Variants in ZHX2 observed in about 807,000 individuals in gnomAD.
ZHX2 encodes the protein zinc fingers and homeoboxes protein 2.
ZHX2 carries 6 observed loss-of-function variants against 21.9 expected under a neutral mutation model. That is an observed-to-expected ratio of 0.27 (90% CI 0.15 to 0.54). ZHX2 has a LOEUF of 0.54. Ranked by LOEUF, ZHX2 falls within the 20% of genes least tolerant of loss-of-function variation. The pLI, the probability that ZHX2 is intolerant of heterozygous loss-of-function variation, is 0.95. For missense variants in ZHX2, 908 were observed against 1,090.7 expected, an observed-to-expected ratio of 0.83 and a Z score of 2.36; for synonymous variants, 434 against 437.1, an observed-to-expected ratio of 0.99 and a Z score of 0.09.
At chr8:122,892,496 TG>T (rs1476673943) in intron 2 of ZHX2, among the ~76,000 whole-genome samples, 2 of 152,188 alleles carry the variant, frequency 1.3e-5, no homozygotes, top group Non-Finnish European at 2.9e-5. Context: ...GTAATTTTTT[TG>T]TTCCTTTCTT....
At chr8:122,803,738 G>A (rs944063848) in intron 1 of ZHX2, among the ~76,000 whole-genome samples, 2 of 152,088 alleles carry the variant, frequency 1.3e-5, no homozygotes, top group Admixed American at 1.3e-4. Flanking sequence ...GTTTTTTTCT[G>A]TCTTGGTCCC....
At chr8:122,924,531 G>T (rs1337097556) in intron 2 of ZHX2, among the ~76,000 whole-genome samples, 2 of 152,272 alleles carry the variant, frequency 1.3e-5, no homozygotes, top group African/African-American at 2.4e-5. Flanking sequence ...ATTAAAGGTG[G>T]TGAGCAGAGA....
intron 2 of ZHX2, among the ~76,000 whole-genome samples, chr8:122,896,159 AG>A (rs1327126446): frequency 6.6e-6 from 1 of 152,038 alleles, no homozygotes. Flanking sequence ...CAAAGTCCCA[AG>A]TCCCATTGCT....
intron 3 of ZHX2, among the ~76,000 whole-genome samples, chr8:122,971,964 T>G (rs1177570142): frequency 3.3e-5 from 5 of 152,218 alleles, no homozygotes; most frequent in Non-Finnish European, 7.3e-5. Flanking sequence ...GTTGCTTCCT[T>G]CTGAAGGCTG....
At chr8:122,850,812 G>T (rs1262773298) in intron 1 of ZHX2, among the ~76,000 whole-genome samples, 3 of 151,386 alleles carry the variant, frequency 2.0e-5, no homozygotes, top group Admixed American at 1.3e-4. Context: ...GTCAGATTTT[G>T]TTTCTCCTCT....
At chr8:122,965,510 G>A (rs1813558481) in intron 3 of ZHX2, among the ~76,000 whole-genome samples, 1 of 152,120 alleles carries the variant, frequency 6.6e-6, no homozygotes, top group African/African-American at 2.4e-5. Flanking sequence ...TAGTCTGAGA[G>A]AGTACTTGAT....
chr8:122,880,222 C>G (rs1346129424), intron 2 of ZHX2, among the ~76,000 whole-genome samples: 5 of 152,010 alleles, frequency 3.3e-5, no homozygotes, highest in African/African-American at 1.2e-4. Flanking sequence ...GATTCACCCG[C>G]CTCAGCCTCC....
intron 1 of ZHX2, among the ~76,000 whole-genome samples, chr8:122,841,589 C>T (rs1055583039): frequency 1.3e-5 from 2 of 152,176 alleles, no homozygotes; most frequent in African/African-American, 2.4e-5. Context: ...AGCAGAGAGG[C>T]ACAGTGTGAG....
chr8:122,926,497 G>C (rs1485010011), intron 2 of ZHX2, among the ~76,000 whole-genome samples: 2 of 152,230 alleles, frequency 1.3e-5, no homozygotes, highest in African/African-American at 4.8e-5. Context: ...AGCCGCTTCA[G>C]GACGATGGGG....
At chr8:122,877,004 G>C (rs543558220) in intron 2 of ZHX2, among the ~76,000 whole-genome samples, 1 of 152,274 alleles carries the variant, frequency 6.6e-6, no homozygotes, top group East Asian at 1.9e-4. Flanking sequence ...GGGTTTATGT[G>C]CCAGGCACTG....
chr8:122,899,642 T>C (rs961196209), intron 2 of ZHX2, among the ~76,000 whole-genome samples: 3 of 152,200 alleles, frequency 2.0e-5, no homozygotes, highest in South Asian at 4.1e-4. Flanking sequence ...TTGTCTTACC[T>C]GAGTCTAAGG....
chr8:122,850,765 T>C (rs1324579225), intron 1 of ZHX2, among the ~76,000 whole-genome samples: 1 of 151,722 alleles, frequency 6.6e-6, no homozygotes, highest in African/African-American at 2.4e-5. Flanking sequence ...TACCCGTGAC[T>C]GTCTACTCTC....
intron 2 of ZHX2, among the ~76,000 whole-genome samples, chr8:122,907,190 A>G (rs116799811): frequency 3.4e-4 from 52 of 152,182 alleles, no homozygotes; most frequent in Middle Eastern, 3.4e-3. Context: ...ACTTTCCTCA[A>G]CCTTTTGACA....
At chr8:122,951,161 C>T (rs1039924375) in intron 2 of ZHX2, 131 bp from the exon 3 acceptor site, 44 of 206,642 alleles carry the variant, frequency 2.1e-4, no homozygotes, top group African/African-American at 8.3e-4. Flanking sequence ...AGCACTTTCA[C>T]GCCGTCTGTG....
chr8:122,947,346 A>G (rs1024608280), intron 2 of ZHX2, among the ~76,000 whole-genome samples: 13 of 152,190 alleles, frequency 8.5e-5, no homozygotes, highest in Non-Finnish European at 1.6e-4. Flanking sequence ...TATGATAGAA[A>G]TGTCCTTCAT....
intron 1 of ZHX2, among the ~76,000 whole-genome samples, chr8:122,809,477 G>A (rs1437604087): frequency 6.6e-6 from 1 of 151,916 alleles, no homozygotes; most frequent in Non-Finnish European, 1.5e-5. Flanking sequence ...TCCAGCCTGG[G>A]CAACAGAGTG....
chr8:122,918,512 C>T (rs934401288), intron 2 of ZHX2, among the ~76,000 whole-genome samples: 8 of 152,190 alleles, frequency 5.3e-5, no homozygotes, highest in African/African-American at 9.6e-5. Context: ...CTTCTCACCT[C>T]GTCTTTGGAG....
chr8:122,912,017 T>G (rs1465180914), intron 2 of ZHX2, among the ~76,000 whole-genome samples: 1 of 152,072 alleles, frequency 6.6e-6, no homozygotes, highest in Non-Finnish European at 1.5e-5. Context: ...GGGGCCCAGA[T>G]AAGAAAAGGA....
chr8:122,788,491 C>T (rs756915969), intron 1 of ZHX2, among the ~76,000 whole-genome samples: 9 of 152,230 alleles, frequency 5.9e-5, no homozygotes, highest in Middle Eastern at 6.8e-3. Context: ...CGCTTGAGCC[C>T]GGGAGGTCAA....
Sources: gnomAD v4.1 joint callset for allele counts (sites outside exome capture counted in the v4.1 genomes callset) on GRCh38, gnomAD v4.1.1 for gene constraint, MANE v1.5 for transcripts, NCBI Gene and HGNC (gene_info 2026-07-23, HGNC 2026-07-21) for gene names.